ZC3H18: variants seen among roughly 807,000 people sequenced by gnomAD.
The protein encoded by ZC3H18 is zinc finger CCCH-type containing 18.
ZC3H18 carries 8 observed loss-of-function variants against 106.1 expected under a neutral mutation model. The ratio of observed to expected loss-of-function variants is 0.08; its 90% CI spans 0.04 to 0.14. ZC3H18 has a LOEUF of 0.14. Ranked by LOEUF, ZC3H18 falls within the 10% of genes least tolerant of loss-of-function variation. ZC3H18 has a pLI of 1.00. For missense variants in ZC3H18, 1,318 were observed against 1,278.4 expected (o/e 1.03, Z -0.47); for synonymous variants, 635 against 522.1 (o/e 1.22, Z -2.95).
intron 2 of ZC3H18, among the ~76,000 whole-genome samples, chr16:88,582,614 G>T (rs536730762): frequency 4.6e-5 from 7 of 152,284 alleles, no homozygotes; most frequent in African/African-American, 1.7e-4. Flanking sequence ...AGCCCAGGAA[G>T]CAGCGGCCTG....
intron 8 of ZC3H18, 52 bp downstream of exon 8, chr16:88,611,588 C>T: frequency 6.5e-7 from 1 of 1,528,576 alleles, no homozygotes; most frequent in Non-Finnish European, 8.8e-7. Context: ...CGGCATGCAG[C>T]TCTGTACCTA....
intron 8 of ZC3H18, among the ~76,000 whole-genome samples, chr16:88,614,237 C>T (rs533960034): frequency 2.8e-4 from 42 of 152,372 alleles, no homozygotes; most frequent in African/African-American, 9.6e-4. Flanking sequence ...CACACAGTGG[C>T]CACACTTGGA....
intron 3 of ZC3H18, 45 bp downstream of exon 3, chr16:88,586,729 C>A (rs763447162): frequency 6.5e-7 from 1 of 1,544,592 alleles, no homozygotes; most frequent in Non-Finnish European, 8.9e-7. Context: ...GCTGGGGCCC[C>A]ACCTTCTGGG....
chr16:88,611,200 A>C, intron 7 of ZC3H18, 68 bp from the exon 8 acceptor site: 3 of 708,966 alleles, frequency 4.2e-6, no homozygotes, highest in Non-Finnish European at 7.8e-6. Context: ...TGTTGGAGCC[A>C]AGGCTTTCAG....
At chr16:88,584,718 A>G (rs1915335837) in intron 2 of ZC3H18, among the ~76,000 whole-genome samples, 1 of 152,090 alleles carries the variant, frequency 6.6e-6, no homozygotes, top group Non-Finnish European at 1.5e-5. Context: ...TTTACCGATC[A>G]CCTTTAGTAG....
intron 3 of ZC3H18, among the ~76,000 whole-genome samples, chr16:88,591,241 A>C (rs1325250415): frequency 2.0e-5 from 3 of 151,442 alleles, no homozygotes; most frequent in Admixed American, 1.3e-4. Context: ...AAGTGCTGGG[A>C]TTACAGGCGT....
In ZC3H18 at chr16:88,599,871, C is replaced by G; in HGVS notation, c.1011C>G (p.Asp337Glu). Residue 337 changes from aspartate to glutamate, a missense_variant, in exon 6 of 18, where the codon GAC becomes GAG. Transcript: ENST00000301011. ...GGTTTACGGTGACCATTGGCGAAGACGAACGGGAATTTGACAAAGAAAATG... is the reference window on the plus strand; with the variant it reads ...GGTTTACGGTGACCATTGGCGAAGAGGAACGGGAATTTGACAAAGAAAATG... ...EKRFTVTIGE[D>E]EREFDKENEV... 6.2e-7 allele frequency: 1 copy of G among 1,614,208 alleles called. No individual in the cohort carries two copies. The highest frequency in any genetic ancestry group is 8.5e-7 in the Non-Finnish European group (1 of 1,180,040).
At chr16:88,580,197 T>A (rs371356859) in intron 2 of ZC3H18, among the ~76,000 whole-genome samples, 11,900 of 105,734 alleles carry the variant, frequency 0.11, 544 homozygotes, top group East Asian at 0.22. Context: ...TGTGTGTGTG[T>A]GTGTGTGTGT....
chr16:88,623,327 C>G lies in ZC3H18; in HGVS notation c.1776C>G (p.Phe592Leu), dbSNP rs1325981708. Residue 592 changes from phenylalanine (F) to leucine (L), a missense_variant, in exon 10 of 18, where the codon TTC (phenylalanine) becomes TTG (leucine). Around this residue, in one of 6 missense-constraint regions of ZC3H18, gnomAD observed 848 missense variants for 821.7 expected, o/e 1.03. Coordinates refer to ENST00000301011, the MANE Select transcript of ZC3H18 (RefSeq NM_144604.4). The part of the protein sequence containing the change: ...YSSRSSRHSS[F>L]SGSRSRSRSF... ...GCCGCTCTTCCAGACACAGCTCGTT[C>G]TCAGGAAGCCGGTCCAGGTATGTCC... 2 of 1,613,496 alleles carry G rather than the reference C, an allele frequency of 1.2e-6. No homozygotes were observed. The highest frequency in any genetic ancestry group is 4.5e-5 in the East Asian group (2 of 44,890).
chr16:88,579,212 T>A (rs539331305), intron 2 of ZC3H18, among the ~76,000 whole-genome samples: 24 of 152,188 alleles, frequency 1.6e-4, no homozygotes, highest in Non-Finnish European at 2.6e-4. Context: ...CAGCTAGTGC[T>A]TTTTGCAAGA....
At position 88,622,330 on chromosome 16, in the gene ZC3H18, C is replaced by T. The variant is rs772010457; in HGVS notation, c.1609C>T (p.Arg537Trp). Residue 537 changes from arginine to tryptophan, a missense_variant, in exon 9 of 18, where the codon CGG becomes TGG. By Grantham distance (101) the Arg-to-Trp change is moderately radical (BLOSUM62 -3). Transcript: ENST00000301011. ...KKLGVSVSPS[R>W]ARRRRKTSAS... ...ACTCGGGGTGTCGGTCTCCCCGAGC[C>T]GGGCTCGAAGGCGTCGGAAAACATC... 4 of 1,613,750 alleles carry T rather than the reference C, an allele frequency of 2.5e-6. No individual in the cohort carries two copies. The highest frequency in any genetic ancestry group is 1.3e-5 in the African/African-American group (1 of 74,928).
intron 5 of ZC3H18, 135 bp downstream of exon 5, chr16:88,598,847 T>G (rs1904593873): frequency 1.4e-6 from 1 of 725,080 alleles, no homozygotes. Context: ...TGTGGTGTCT[T>G]TCTTTATTTT....
chr16:88,607,932 A>C (rs1035531459), intron 6 of ZC3H18, among the ~76,000 whole-genome samples: 1 of 152,124 alleles, frequency 6.6e-6, no homozygotes, highest in Non-Finnish European at 1.5e-5. Flanking sequence ...TTGATATTTT[A>C]TTCCTAAGTA....
At chr16:88,611,615 CT>C in intron 8 of ZC3H18, 79 bp downstream of exon 8, 1 of 1,493,892 alleles carries the variant, frequency 6.7e-7, no homozygotes, top group East Asian at 2.5e-5. Flanking sequence ...CTGGCCTGCG[CT>C]TCCCCTCTGT....
rs77369349 is a variant in ZC3H18, at chr16:88,585,646, G to A, written c.604-954G>A. On this transcript the variant is annotated intron_variant, in intron 2 of 17. Transcript: ENST00000301011. ...AATCAGGAAGAGGAGAGGGAAGAAC[G>A]CGGTCAGGCCTGGAACTGGAAAAGG... Among the ~76,000 whole-genome samples the A allele has an allele frequency of 2.6e-3, 394 of 152,308 alleles. 12 individuals are homozygous for A. The East Asian group carries it at 0.069, about 27-fold the overall frequency.
intron 1 of ZC3H18, among the ~76,000 whole-genome samples, chr16:88,571,311 G>C (rs1215689553): frequency 1.3e-5 from 2 of 152,144 alleles, no homozygotes; most frequent in Non-Finnish European, 2.9e-5. Flanking sequence ...TCATTCTTCA[G>C]ACCCATTTGG....
At chr16:88,620,676 G>A (rs1905902446) in intron 8 of ZC3H18, among the ~76,000 whole-genome samples, 1 of 151,894 alleles carries the variant, frequency 6.6e-6, no homozygotes, top group African/African-American at 2.4e-5. Flanking sequence ...TCTTAGTGGT[G>A]ACACCGAGCC....
chr16:88,622,685 C>G (rs1411667484), intron 9 of ZC3H18: 1 of 403,448 alleles, frequency 2.5e-6, no homozygotes, highest in Non-Finnish European at 4.5e-6. Context: ...TGCGGGAGGA[C>G]GCACAGACCT....
At chr16:88,628,725 C>T (rs945194782) in intron 15 of ZC3H18, 33 bp from the exon 16 acceptor site, 8 of 1,612,046 alleles carry the variant, frequency 5.0e-6, no homozygotes, top group Non-Finnish European at 6.8e-6. Context: ...GCTCCTGGCC[C>T]TGCTGTCCTC....
Sources: gnomAD v4.1 joint callset for allele counts (sites outside exome capture counted in the v4.1 genomes callset) on GRCh38, gnomAD v4.1.1 for gene constraint, gnomAD v4.1.1 regional missense constraint, MANE v1.5 for transcripts, NCBI Gene and HGNC (gene_info 2026-07-23, HGNC 2026-07-21) for gene names.